STAG1: variants seen among roughly 807,000 people sequenced by gnomAD.
STAG1 encodes the protein cohesin subunit SA-1.
A neutral mutation model predicts 170.9 loss-of-function variants in STAG1; 26 were observed. The ratio of observed to expected loss-of-function variants is 0.15; its 90% confidence interval spans 0.11 to 0.21. The LOEUF is 0.21. Ranked by LOEUF, STAG1 falls within the 10% of genes least tolerant of loss-of-function variation. The pLI is 1.00. For missense variants in STAG1, 964 were observed against 1,509.5 expected, an observed-to-expected ratio of 0.64 and a Z score of 5.99; for synonymous variants, 514 against 497.7, an observed-to-expected ratio of 1.03 and a Z score of -0.44.
chr3:136,650,286 T>C (rs1471891935), intron 1 of STAG1, among the ~76,000 whole-genome samples: 1 of 148,428 alleles, frequency 6.7e-6, no homozygotes, highest in African/African-American at 2.5e-5. Context: ...TAGAAATAAA[T>C]ATTCCATTCA....
Position 136,377,623 on chromosome 3 carries a change from T to C in STAG1, c.2370+37A>G, listed in dbSNP as rs377378611. The C allele has an allele frequency of 1.2e-5, 19 of 1,532,774 alleles. No homozygotes were observed. In the African/African-American group the frequency reaches 2.0e-4, roughly 17 times the overall value. 94.9% of individuals were successfully genotyped at this position (1,532,774 alleles called of 1,614,324 possible). A position where few individuals can be genotyped will look rare whatever the true frequency, so the allele number is the denominator to read the frequency against. ...CTTAATGTTCATTAATGTATTTGAG[T>C]TGATTTTATTGAGAGCTCTTACTGA... On this transcript the variant is annotated intron_variant, in intron 23 of 33. Transcript: ENST00000383202.
chr3:136,414,108 C>G (rs2087705936), intron 21 of STAG1, among the ~76,000 whole-genome samples: 1 of 152,140 alleles, frequency 6.6e-6, no homozygotes, highest in African/African-American at 2.4e-5. Flanking sequence ...ATGTTGATGG[C>G]TGCTGACTTA....
intron 13 of STAG1, 128 bp downstream of exon 13, chr3:136,464,753 G>C (rs2089403771): frequency 4.4e-6 from 3 of 676,598 alleles, no homozygotes; most frequent in Admixed American, 3.0e-5. Flanking sequence ...GGCTGTTATA[G>C]CCCCTGGAGT....
intron 2 of STAG1, 146 bp from the exon 3 acceptor site, chr3:136,623,394 G>T: frequency 1.8e-6 from 1 of 561,636 alleles, no homozygotes; most frequent in Non-Finnish European, 3.0e-6. Context: ...AACTAAAAAT[G>T]TTATCCTCCC....
At chr3:136,419,928 C>T (rs2087902029) in intron 20 of STAG1, among the ~76,000 whole-genome samples, 1 of 151,960 alleles carries the variant, frequency 6.6e-6, no homozygotes, top group Admixed American at 6.6e-5. Flanking sequence ...TAAATCATTA[C>T]AGTAAATAAA....
chr3:136,688,168 G>C (rs978709551), intron 1 of STAG1, among the ~76,000 whole-genome samples: 1 of 152,072 alleles, frequency 6.6e-6, no homozygotes, highest in Non-Finnish European at 1.5e-5. Context: ...CAGGAGTGAG[G>C]GCCTTTTTAA....
At chr3:136,695,061 C>A (rs1052642629) in intron 1 of STAG1, among the ~76,000 whole-genome samples, 2 of 152,132 alleles carry the variant, frequency 1.3e-5, no homozygotes, top group Non-Finnish European at 2.9e-5. Context: ...CCTGAAGATA[C>A]CAACTAAGGT....
intron 1 of STAG1, among the ~76,000 whole-genome samples, chr3:136,700,475 A>G (rs1051458743): frequency 6.6e-6 from 1 of 151,092 alleles, no homozygotes; most frequent in Non-Finnish European, 1.5e-5. Context: ...GCTGGAGTAC[A>G]ATGGTGTGAT....
At chr3:136,375,484 C>T (rs1171481442) in intron 23 of STAG1, among the ~76,000 whole-genome samples, 1 of 152,092 alleles carries the variant, frequency 6.6e-6, no homozygotes, top group Admixed American at 6.6e-5. Context: ...TCTGGTTGTC[C>T]AACTGCAGCA....
chr3:136,623,357 T>C (rs900002676), intron 2 of STAG1, 109 bp from the exon 3 acceptor site: 2 of 886,688 alleles, frequency 2.3e-6, no homozygotes, highest in African/African-American at 1.7e-5. Flanking sequence ...TGGTTTATAC[T>C]TCTACTTTCA....
chr3:136,364,664 T>G (rs1039706161), intron 25 of STAG1, among the ~76,000 whole-genome samples: 3 of 152,212 alleles, frequency 2.0e-5, no homozygotes, highest in African/African-American at 7.2e-5. Context: ...CGACAGTGAC[T>G]GGGAAAAGTT....
chr3:136,538,913 T>A (rs964613556), intron 6 of STAG1, among the ~76,000 whole-genome samples: 2 of 151,990 alleles, frequency 1.3e-5, no homozygotes, highest in Non-Finnish European at 2.9e-5. Context: ...GGCAGGTGGA[T>A]CACGAGGTCA....
chr3:136,716,854 G>A (rs1382622334), intron 1 of STAG1, among the ~76,000 whole-genome samples: 5 of 152,188 alleles, frequency 3.3e-5, no homozygotes, highest in African/African-American at 9.7e-5. Context: ...CTAACTAATT[G>A]TAAGACTTTC....
intron 21 of STAG1, among the ~76,000 whole-genome samples, chr3:136,400,464 G>A (rs2087290997): frequency 6.6e-6 from 1 of 151,894 alleles, no homozygotes; most frequent in African/African-American, 2.4e-5. Flanking sequence ...CAGGCAATCT[G>A]CCCACCTCTG....
chr3:136,421,539 G>A (rs978898376), intron 19 of STAG1, among the ~76,000 whole-genome samples: 1 of 152,018 alleles, frequency 6.6e-6, no homozygotes, highest in African/African-American at 2.4e-5. Context: ...AAAAAAACTG[G>A]TAAGTTTCAA....
chr3:136,509,130 G>A (rs190444040), intron 7 of STAG1, among the ~76,000 whole-genome samples: 23 of 152,344 alleles, frequency 1.5e-4, no homozygotes, highest in Admixed American at 1.5e-3. Context: ...ACAAGCATTG[G>A]CCTTAGAGGC....
chr3:136,523,053 G>A (rs150933206), intron 6 of STAG1, among the ~76,000 whole-genome samples: 2 of 152,138 alleles, frequency 1.3e-5, no homozygotes, highest in African/African-American at 2.4e-5. Flanking sequence ...CTTTATAGCA[G>A]CATGATTTAT....
intron 1 of STAG1, among the ~76,000 whole-genome samples, chr3:136,746,324 C>T (rs1437344112): frequency 6.6e-6 from 1 of 151,916 alleles, no homozygotes; most frequent in Non-Finnish European, 1.5e-5. Flanking sequence ...TTTTAATTCC[C>T]AGTTATATCC....
chr3:136,389,572 T>C (rs1345322973), intron 22 of STAG1, among the ~76,000 whole-genome samples: 1 of 152,100 alleles, frequency 6.6e-6, no homozygotes, highest in South Asian at 2.1e-4. Flanking sequence ...CAGGCTGGAG[T>C]GCAGTGGTGC....
Sources: gnomAD v4.1 joint callset for allele counts (sites outside exome capture counted in the v4.1 genomes callset) on GRCh38, gnomAD v4.1.1 for gene constraint, MANE v1.5 for transcripts, NCBI Gene and HGNC (gene_info 2026-07-23, HGNC 2026-07-21) for gene names.